The following FAM3C variants were observed in gnomAD, a reference collection of about 807,000 sequenced individuals.
The protein encoded by FAM3C is FAM3 metabolism regulating signaling molecule C.
FAM3C carries 15 observed loss-of-function variants against 32.5 expected under a neutral mutation model. The ratio of observed to expected loss-of-function variants is 0.46; its 90% CI spans 0.31 to 0.71. The LOEUF (loss-of-function observed/expected upper bound fraction) is 0.71, where lower values mean the gene tolerates loss of function less well. FAM3C is among the 30% of genes least tolerant of loss of function. FAM3C has a pLI of 0.05. For synonymous variants in FAM3C, 75 were observed against 86.1 expected (o/e 0.87, Z 0.72); for missense variants, 175 against 274.4 (o/e 0.64, Z 2.56).
chr7:121,374,151 G>C (rs1282004323), intron 3 of FAM3C, among the ~76,000 whole-genome samples: 1 of 152,120 alleles, frequency 6.6e-6, no homozygotes, highest in Non-Finnish European at 1.5e-5. Flanking sequence ...TTGGTGAATT[G>C]TATCCATGTT....
At chr7:121,391,112 C>T (rs906767300) in intron 1 of FAM3C, among the ~76,000 whole-genome samples, 3 of 152,022 alleles carry the variant, frequency 2.0e-5, no homozygotes, top group Non-Finnish European at 4.4e-5. Context: ...TTATTATCTA[C>T]CAAAGCAGAA....
chr7:121,367,278 C>T (rs939372610), intron 5 of FAM3C, among the ~76,000 whole-genome samples: 11 of 152,186 alleles, frequency 7.2e-5, no homozygotes, highest in Middle Eastern at 3.4e-3. Flanking sequence ...TTTCAAATAG[C>T]TACTTCATGT....
At chr7:121,380,715 A>T (rs528249522) in intron 2 of FAM3C, among the ~76,000 whole-genome samples, 2 of 145,768 alleles carry the variant, frequency 1.4e-5, no homozygotes, top group South Asian at 4.3e-4. Context: ...AGTTTTAAAA[A>T]AGCTATATAC....
intron 5 of FAM3C, 151 bp downstream of exon 5, chr7:121,371,149 A>T: frequency 1.1e-6 from 1 of 895,542 alleles, no homozygotes; most frequent in Non-Finnish European, 1.7e-6. Context: ...GGTCCCTTGA[A>T]TTCATGAGAA....
chr7:121,364,718 C>T (rs889112059), intron 5 of FAM3C, among the ~76,000 whole-genome samples: 1 of 152,104 alleles, frequency 6.6e-6, no homozygotes, highest in African/African-American at 2.4e-5. Flanking sequence ...ATATTGCACT[C>T]ATGAAATCAC....
chr7:121,375,281 G>T (rs1434960838), intron 3 of FAM3C, among the ~76,000 whole-genome samples: 1 of 152,160 alleles, frequency 6.6e-6, no homozygotes, highest in Admixed American at 6.5e-5. Context: ...TGAGAAAGAT[G>T]TGCAGGGTGA....
In FAM3C at chr7:121,385,162, C is replaced by T. The variant is rs143405386; in HGVS notation, c.-41-2152G>A. Among the ~76,000 whole-genome samples the T allele has an allele frequency of 4.7e-3, 713 of 151,884 alleles. 1 individual carries two copies. The highest frequency in any genetic ancestry group is 9.4e-3 in the Admixed American group (143 of 15,234). ...AATCTAGAGGCAACAGGCGAAAGGGCTTATATATAAGTATGTTCATTAAAA... is the reference window on the plus strand; with the variant it reads ...AATCTAGAGGCAACAGGCGAAAGGGTTTATATATAAGTATGTTCATTAAAA... On this transcript the variant is annotated intron_variant, in intron 1 of 9. Transcript: ENST00000359943.
At chr7:121,365,808 G>A (rs996351270) in intron 5 of FAM3C, among the ~76,000 whole-genome samples, 1 of 151,774 alleles carries the variant, frequency 6.6e-6, no homozygotes, top group Non-Finnish European at 1.5e-5. Context: ...AAAGTAAAAG[G>A]GTAGAAAGAG....
At chr7:121,357,566 G>A (rs556268792) in intron 8 of FAM3C, among the ~76,000 whole-genome samples, 2 of 152,048 alleles carry the variant, frequency 1.3e-5, no homozygotes, top group Non-Finnish European at 2.9e-5. Context: ...CAGTATAAAA[G>A]ATATGATGCT....
intron 1 of FAM3C, among the ~76,000 whole-genome samples, chr7:121,395,256 CATACATATATAT>C: frequency 7.2e-6 from 1 of 138,638 alleles, no homozygotes; most frequent in Non-Finnish European, 1.5e-5. Context: ...TATATGGATA[CATACATATATAT>C]GGATACATAC....
intron 1 of FAM3C, among the ~76,000 whole-genome samples, chr7:121,385,878 A>G (rs1794456089): frequency 6.6e-6 from 1 of 152,146 alleles, no homozygotes. Flanking sequence ...ACCAGCCTCT[A>G]GTTGCTGGGG....
chr7:121,394,140 T>C (rs1794637501), intron 1 of FAM3C, among the ~76,000 whole-genome samples: 1 of 152,242 alleles, frequency 6.6e-6, no homozygotes, highest in South Asian at 2.1e-4. Flanking sequence ...CAATTACTGG[T>C]ACATGGTAGG....
At chr7:121,394,829 G>A (rs1323034179) in intron 1 of FAM3C, among the ~76,000 whole-genome samples, 1 of 152,190 alleles carries the variant, frequency 6.6e-6, no homozygotes, top group Non-Finnish European at 1.5e-5. Flanking sequence ...CCAATTTCTT[G>A]TTAAATGGCT....
Position 121,396,298 on chromosome 7 carries a change from C to A in FAM3C, c.-178G>T, listed in dbSNP as rs1794698386. The A allele has an allele frequency of 6.6e-6, 1 of 152,336 alleles. No homozygotes were observed. The highest frequency in any genetic ancestry group is 1.5e-5 in the Non-Finnish European group (1 of 68,164). The allele number at this position is 152,336 out of a possible 1,614,324, so 9.4% of individuals were successfully genotyped here. On this transcript the variant is annotated 5_prime_UTR_variant, in exon 1 of 10. Transcript: ENST00000359943. ...CTCGGACTCCTCCGGCTGCCCCTCACCCCGGCAAGTGGCCAGGAGAAAGCC... is the reference window on the plus strand; with the variant it reads ...CTCGGACTCCTCCGGCTGCCCCTCAACCCGGCAAGTGGCCAGGAGAAAGCC...
chr7:121,378,346 GT>G (rs1411696399), intron 3 of FAM3C, among the ~76,000 whole-genome samples: 5 of 151,876 alleles, frequency 3.3e-5, no homozygotes, highest in Non-Finnish European at 7.4e-5. Context: ...AAGAGATGAG[GT>G]TTTACTGTCA....
chr7:121,392,827 GT>G (rs1794604051), intron 1 of FAM3C, among the ~76,000 whole-genome samples: 2 of 152,138 alleles, frequency 1.3e-5, no homozygotes, highest in Admixed American at 1.3e-4. Flanking sequence ...TATATGTAAT[GT>G]GGTGTATATG....
intron 3 of FAM3C, among the ~76,000 whole-genome samples, chr7:121,374,025 T>C (rs1227205795): frequency 6.6e-6 from 1 of 150,786 alleles, no homozygotes; most frequent in Non-Finnish European, 1.5e-5. Context: ...AAAAAGAACA[T>C]TAAGTACTTA....
intron 9 of FAM3C, 125 bp from the exon 10 acceptor site, chr7:121,350,675 G>T: frequency 1.0e-6 from 1 of 983,808 alleles, no homozygotes; most frequent in Non-Finnish European, 1.5e-6. Flanking sequence ...TTAAATTACT[G>T]GTCAAGATAT....
intron 5 of FAM3C, 113 bp from the exon 6 acceptor site, chr7:121,364,301 C>A: frequency 1.4e-6 from 1 of 698,670 alleles, no homozygotes; most frequent in South Asian, 1.8e-5. Flanking sequence ...TTCAATTGTT[C>A]AGTGCTGCGG....
Sources: allele counts gnomAD v4.1 joint callset (sites outside exome capture counted in the v4.1 genomes callset), GRCh38; gene constraint gnomAD v4.1.1; transcripts MANE v1.5; gene names NCBI Gene and HGNC (gene_info 2026-07-23, HGNC 2026-07-21).